The following FBXW10 variants were observed in gnomAD, a reference collection of about 807,000 sequenced individuals.
The protein encoded by FBXW10 is F-box/WD repeat-containing protein 10.
In FBXW10, 68 loss-of-function variants were observed where a neutral mutation model predicts 113.1. The ratio of observed to expected loss-of-function variants is 0.60; its 90% CI spans 0.49 to 0.74. FBXW10 has a LOEUF of 0.74. FBXW10 is among the 30% of genes least tolerant of loss of function. The probability of loss-of-function intolerance (pLI) is 0.00; values close to 1 mark genes in which losing one functional copy is unlikely to be tolerated. For missense variants in FBXW10, 753 were observed against 1,284.5 expected, an observed-to-expected ratio of 0.59 and a Z score of 6.32; for synonymous variants, 289 against 481.6, an observed-to-expected ratio of 0.60 and a Z score of 5.24.
intron 6 of FBXW10, 137 bp downstream of exon 6, chr17:18,756,291 G>T: frequency 1.3e-6 from 1 of 776,120 alleles, no homozygotes. Context: ...ACTTGCACAT[G>T]ATCCCATGTA....
intron 5 of FBXW10, among the ~76,000 whole-genome samples, chr17:18,753,325 T>A (rs571051772): frequency 1.4e-4 from 22 of 152,018 alleles, no homozygotes; most frequent in African/African-American, 5.3e-4. Flanking sequence ...GGGGTATGCC[T>A]GCAGCTGCAG....
chr17:18,748,408 CAAAAA>C (rs57336039), intron 2 of FBXW10, among the ~76,000 whole-genome samples: 93 of 51,398 alleles, frequency 1.8e-3, no homozygotes, highest in Admixed American at 4.2e-3. Context: ...GAGACTGTCT[CAAAAA>C]AAAAAAAAAA....
intron 5 of FBXW10, among the ~76,000 whole-genome samples, chr17:18,753,648 G>A (rs2035209454): frequency 6.6e-6 from 1 of 152,106 alleles, no homozygotes; most frequent in Non-Finnish European, 1.5e-5. Context: ...TGAGGCAGGT[G>A]GATCACCTGA....
chr17:18,774,222 G>A (rs1211944992), intron 12 of FBXW10, among the ~76,000 whole-genome samples: 1 of 152,178 alleles, frequency 6.6e-6, no homozygotes, highest in Non-Finnish European at 1.5e-5. Context: ...TAGAGAGTCT[G>A]GTTAATGGAA....
At chr17:18,751,578 G>A (rs1162235137) in intron 5 of FBXW10, among the ~76,000 whole-genome samples, 2 of 152,134 alleles carry the variant, frequency 1.3e-5, no homozygotes, top group African/African-American at 4.8e-5. Context: ...TTGGATGGGT[G>A]GATTGATTTG....
rs761849181 is a variant in FBXW10 at position 18,744,630 on chromosome 17, C to G, written c.386C>G (p.Thr129Ser). ...ATCTTGTACTGGTTTGCGAACAGCA[C>G]CCAGTGGACCAAGGCGAATTATACT... is the stretch of plus-strand genomic sequence containing the variant. ...KEILYWFANS[T>S]QWTKANYTLL... is the part of the protein sequence containing the mutation. Residue 129 changes from threonine to serine, a missense_variant, in exon 1 of 14, where the codon ACC (threonine) becomes AGC (serine). By Grantham distance (58) the Thr-to-Ser change is moderately conservative. Transcript: ENST00000395665. 1.9e-6 allele frequency: 3 copies of G among 1,613,904 alleles called. No homozygotes were observed. The highest frequency in any genetic ancestry group is 1.7e-5 in the Admixed American group (1 of 59,988).
At chr17:18,764,974 T>C (rs2035463571) in intron 8 of FBXW10, 111 bp downstream of exon 8, 2 of 1,585,272 alleles carry the variant, frequency 1.3e-6, no homozygotes, top group Admixed American at 1.7e-5. Context: ...TTCTTTATCA[T>C]CCATCCATCC....
chr17:18,778,901 G>A lies in FBXW10; in HGVS notation c.2762G>A (p.Ser921Asn), dbSNP rs2035752213. Reference protein sequence around the residue: ...PMIIRSRFSGSLKGGDQVTSS... With the variant: ...PMIIRSRFSGNLKGGDQVTSS... Reference sequence around the variant, plus strand: ...ATTATCCGCTCCAGGTTCTCTGGCAGCTTAAAGGGTGGAGACCAAGTGACC... The same window carrying A: ...ATTATCCGCTCCAGGTTCTCTGGCAACTTAAAGGGTGGAGACCAAGTGACC... The change falls in exon 14 of 14, where the codon AGC becomes AAC. Residue 921 changes from serine to asparagine, a missense_variant. Ser to Asn is a conservative substitution (Grantham distance 46, BLOSUM62 1). Transcript: ENST00000395665. 6.2e-7 allele frequency: 1 copy of A among 1,613,764 alleles called. No homozygotes were observed. The highest frequency in any genetic ancestry group is 8.5e-7 in the Non-Finnish European group (1 of 1,179,840).
At chr17:18,777,364 T>G (rs1409547568) in intron 13 of FBXW10, among the ~76,000 whole-genome samples, 1 of 151,944 alleles carries the variant, frequency 6.6e-6, no homozygotes, top group Non-Finnish European at 1.5e-5. Context: ...GCACCCAGCC[T>G]GAAGACAGGT....
rs749257121 is a variant in FBXW10 at position 18,768,635 on chromosome 17, G to A, written c.1806G>A (p.Val602=). 12 of 1,613,946 alleles carry A rather than the reference G, an allele frequency of 7.4e-6. No individual in the cohort carries two copies. In the South Asian group the frequency reaches 9.9e-5, roughly 13 times the overall value. ...TDGLVMAWSM[V]GKYERCLMAF... The stretch of plus-strand genomic sequence containing the variant: ...GCCTGGTCATGGCCTGGAGCATGGT[G>A]GGGAAGTACGAGCGCTGCCTGATGG... Residue 602 remains valine, a synonymous_variant, in exon 10 of 14, where the codon GTG becomes GTA. Transcript: ENST00000395665.
chr17:18,753,863 C>T (rs1490878024), intron 5 of FBXW10, among the ~76,000 whole-genome samples: 6 of 149,138 alleles, frequency 4.0e-5, no homozygotes, highest in Admixed American at 6.7e-5. Context: ...GGCAAGAGAG[C>T]GAGACTCCAT....
intron 7 of FBXW10, among the ~76,000 whole-genome samples, chr17:18,759,590 G>T (rs1016681957): frequency 3.3e-5 from 5 of 151,508 alleles, no homozygotes; most frequent in African/African-American, 1.2e-4. Flanking sequence ...TTTTCTGTTG[G>T]TGGACATTTG....
chr17:18,752,909 A>G (rs1478758203), intron 5 of FBXW10, among the ~76,000 whole-genome samples: 2 of 152,158 alleles, frequency 1.3e-5, no homozygotes, highest in African/African-American at 4.8e-5. Context: ...TGCTCTTTTA[A>G]GTATAACACA....
chr17:18,773,298 T>TA (rs2035649961), intron 12 of FBXW10, among the ~76,000 whole-genome samples: 1 of 152,254 alleles, frequency 6.6e-6, no homozygotes, highest in African/African-American at 2.4e-5. Flanking sequence ...CCTTAATACT[T>TA]ACCACTGAAA....
intron 5 of FBXW10, 144 bp downstream of exon 5, chr17:18,751,197 T>A (rs2035162351): frequency 9.0e-7 from 1 of 1,106,800 alleles, no homozygotes; most frequent in Non-Finnish European, 1.3e-6. Context: ...GAGTTCTGTG[T>A]TGCTACTGAC....
intron 13 of FBXW10, among the ~76,000 whole-genome samples, chr17:18,777,062 G>GTTTT (rs368455869): frequency 1.5e-5 from 2 of 131,644 alleles, no homozygotes; most frequent in African/African-American, 2.9e-5. Flanking sequence ...ATTTCACTCA[G>GTTTT]TTTTTTTTTT....
chr17:18,763,293 A>T (rs1682349261), intron 7 of FBXW10, among the ~76,000 whole-genome samples: 1 of 151,606 alleles, frequency 6.6e-6, no homozygotes, highest in Non-Finnish European at 1.5e-5. Flanking sequence ...AGTAGCTGGG[A>T]CTACAGGCAC....
In FBXW10 at chr17:18,772,538, T is replaced by A. The variant is rs200658685; in HGVS notation, c.2133T>A (p.Ser711Arg). The A allele has an allele frequency of 1.9e-6, 3 of 1,613,968 alleles. No homozygotes were observed. The highest frequency in any genetic ancestry group is 2.2e-5 in the South Asian group (2 of 91,078). Reference sequence around the variant, plus strand: ...AAGAGGAGGAAAAAGAAGAAAATAGTCTCATGGAAATTCTCTCTAAGTGTA... The same window carrying A: ...AAGAGGAGGAAAAAGAAGAAAATAGACTCATGGAAATTCTCTCTAAGTGTA... ...KEKEEEKEEN[S>R]LMEILSKCNI... Residue 711 changes from serine to arginine, a missense_variant, in exon 12 of 14, where the codon AGT becomes AGA. Coordinates refer to ENST00000395665, the MANE Select transcript of FBXW10 (RefSeq NM_001267585.2).
Position 18,751,044 on chromosome 17 carries a change from G to A in FBXW10, c.1113G>A (p.Leu371=), listed in dbSNP as rs577007298. ...GTGTGAAACATCCGAAGTGGAAGCT[G>A]AGAACGAAGGTGGGTTCCAACAGCA... ...SMRVKHPKWK[L]RTKNEYNLWT... Residue 371 remains leucine (L), a synonymous_variant, in exon 5 of 14, where the codon CTG becomes CTA. Coordinates refer to ENST00000395665, the MANE Select transcript of FBXW10 (RefSeq NM_001267585.2). The A allele has an allele frequency of 6.2e-7, 1 of 1,613,980 alleles. No homozygotes were observed. Among genetic ancestry groups the A allele is most frequent in the Admixed American group, 1.7e-5 (1 of 60,000 alleles).
Sources: allele counts gnomAD v4.1 joint callset (sites outside exome capture counted in the v4.1 genomes callset), GRCh38; gene constraint gnomAD v4.1.1; transcripts MANE v1.5; gene names NCBI Gene and HGNC (gene_info 2026-07-23, HGNC 2026-07-21).